The following LRRC69 variants were observed in gnomAD, a reference collection of about 807,000 sequenced individuals.
LRRC69 encodes leucine rich repeat containing 69, also known as leucine-rich repeat-containing protein 69.
LRRC69 carries 42 observed loss-of-function variants against 37.8 expected under a neutral mutation model. The ratio of observed to expected loss-of-function variants is 1.11; its 90% confidence interval spans 0.87 to 1.44. The LOEUF (loss-of-function observed/expected upper bound fraction) is 1.44. Among genes scored for constraint, LRRC69 ranks in the 40% most tolerant of loss-of-function variants. The pLI is 0.00. For missense variants in LRRC69, 357 were observed against 401.9 expected, an observed-to-expected ratio of 0.89 and a Z score of 0.96; for synonymous variants, 141 against 143.1, an observed-to-expected ratio of 0.99 and a Z score of 0.11.
intron 5 of LRRC69, among the ~76,000 whole-genome samples, chr8:91,167,782 C>T (rs1809055338): frequency 6.6e-6 from 1 of 151,858 alleles, no homozygotes; most frequent in African/African-American, 2.4e-5. Flanking sequence ...AGTCAGCACA[C>T]CAGTGATAGT....
At chr8:91,211,582 C>T (rs1378701082) in intron 7 of LRRC69, among the ~76,000 whole-genome samples, 1 of 144,632 alleles carries the variant, frequency 6.9e-6, no homozygotes, top group Non-Finnish European at 1.5e-5. Context: ...GTTAAGTAGA[C>T]AGCAATTATA....
chr8:91,190,881 C>A lies in LRRC69; in HGVS notation c.753+1258C>A, dbSNP rs188654398. Among the ~76,000 whole-genome samples, 468 of 152,032 alleles carry A rather than the reference C, an allele frequency of 3.1e-3. 3 individuals are homozygous for A. The highest frequency in any genetic ancestry group is 6.2e-3 in the Admixed American group (94 of 15,262). On this transcript the variant is annotated intron_variant, in intron 6 of 7. Coordinates refer to ENST00000448384, the Ensembl canonical transcript of LRRC69. ...ACCAGCCTGGCCAACAGAGTGAGACCCCATCTCTACAAAATTTTAAAAACC... is the reference window on the plus strand; with the variant it reads ...ACCAGCCTGGCCAACAGAGTGAGACACCATCTCTACAAAATTTTAAAAACC...
chr8:91,109,277 C>T (rs1381658310), intron 1 of LRRC69, among the ~76,000 whole-genome samples: 1 of 152,064 alleles, frequency 6.6e-6, no homozygotes, highest in African/African-American at 2.4e-5. Context: ...AAAGACACAG[C>T]CCTCTTCTTT....
At chr8:91,112,728 A>C (rs1406122675) in intron 1 of LRRC69, among the ~76,000 whole-genome samples, 2 of 152,048 alleles carry the variant, frequency 1.3e-5, no homozygotes, top group Non-Finnish European at 2.9e-5. Flanking sequence ...TGGAAGTCCT[A>C]GTCAACAATT....
chr8:91,111,472 T>A (rs894640669), intron 1 of LRRC69, among the ~76,000 whole-genome samples: 1 of 151,950 alleles, frequency 6.6e-6, no homozygotes, highest in African/African-American at 2.4e-5. Context: ...GGGTGGAGGT[T>A]GTAGTGAGCT....
intron 6 of LRRC69, among the ~76,000 whole-genome samples, chr8:91,196,479 C>A (rs1332094185): frequency 1.3e-5 from 2 of 152,104 alleles, no homozygotes; most frequent in African/African-American, 4.8e-5. Flanking sequence ...CTTTCAGGTA[C>A]ACCAAGCAGA....
Position 91,217,175 on chromosome 8 carries a change from G to C in LRRC69, c.934-1715G>C, listed in dbSNP as rs145591297. Among the ~76,000 whole-genome samples, 47 of 152,198 alleles carry C rather than the reference G, an allele frequency of 3.1e-4. No homozygotes were observed. The South Asian group carries it at 8.9e-3, about 29-fold the overall frequency. ...TTCTTAGAGGCAGGGATTGTTTGCT[G>C]TATATCTTTGTAGCCTGACACTTTG... is the stretch of plus-strand genomic sequence containing the variant. On this transcript the variant is annotated intron_variant, in intron 7 of 7. Coordinates refer to ENST00000448384, the Ensembl canonical transcript of LRRC69.
chr8:91,163,270 C>T (rs1472298491), intron 5 of LRRC69, among the ~76,000 whole-genome samples: 1 of 151,260 alleles, frequency 6.6e-6, no homozygotes, highest in East Asian at 1.9e-4. Context: ...TTTTTATGTA[C>T]CCACCCTCCA....
At chr8:91,150,392 G>T (rs1355612546) in intron 5 of LRRC69, among the ~76,000 whole-genome samples, 1 of 151,968 alleles carries the variant, frequency 6.6e-6, no homozygotes, top group Non-Finnish European at 1.5e-5. Context: ...TACGTTTATT[G>T]ATTTGCGTAT....
chr8:91,203,696 G>A (rs1010144080), intron 7 of LRRC69, among the ~76,000 whole-genome samples: 1 of 151,800 alleles, frequency 6.6e-6, no homozygotes, highest in African/African-American at 2.4e-5. Flanking sequence ...ACTGCGCCCA[G>A]CCTCAGTGTA....
At chr8:91,127,012 G>C (rs1317134354) in intron 2 of LRRC69, 76 bp from the exon 3 acceptor site, 3 of 1,113,000 alleles carry the variant, frequency 2.7e-6, no homozygotes, top group Non-Finnish European at 4.0e-6. Flanking sequence ...GGAAAACAAA[G>C]GTATGTAGAA....
intron 5 of LRRC69, chr8:91,157,464 G>T: frequency 1.2e-6 from 2 of 1,603,556 alleles, no homozygotes; most frequent in Non-Finnish European, 8.5e-7. Flanking sequence ...AAATATGCAA[G>T]AAAGGAAGTT....
chr8:91,116,534 G>GTA (rs1357936285), intron 1 of LRRC69, among the ~76,000 whole-genome samples: 5 of 108,940 alleles, frequency 4.6e-5, no homozygotes, highest in Non-Finnish European at 9.5e-5. Context: ...ATATGTGTCT[G>GTA]TATACATATA....
chr8:91,171,654 A>T (rs1293647701), intron 5 of LRRC69, among the ~76,000 whole-genome samples: 1 of 152,038 alleles, frequency 6.6e-6, no homozygotes, highest in Non-Finnish European at 1.5e-5. Context: ...CTTTTGAGCA[A>T]GTATAGGAGG....
At position 91,127,169 on chromosome 8, in the gene LRRC69, G is replaced by A; in HGVS notation, c.383+9G>A. The A allele has an allele frequency of 6.5e-7, 1 of 1,545,820 alleles. No homozygotes were observed. ...CCTCAAGAAGTCAGCAGGTAATTTT[G>A]TTTATAGCAAGACTTGGTTAACAAT... On this transcript the variant is annotated intron_variant, in intron 3 of 7. Coordinates refer to ENST00000448384, the Ensembl canonical transcript of LRRC69.
At chr8:91,219,048 C>T (rs1747042850), downstream of LRRC69, 1 of 1,011,134 alleles carries the variant, frequency 9.9e-7, no homozygotes. Flanking sequence ...GCCCTGTCAG[C>T]TCTGCATACA....
At chr8:91,140,585 C>T (rs868179682) in intron 5 of LRRC69, among the ~76,000 whole-genome samples, 8 of 147,708 alleles carry the variant, frequency 5.4e-5, no homozygotes, top group African/African-American at 2.0e-4. Context: ...TTGTCATTTT[C>T]ATTTAACATT....
intron 1 of LRRC69, among the ~76,000 whole-genome samples, chr8:91,123,019 T>A (rs1314148721): frequency 6.6e-6 from 1 of 152,024 alleles, no homozygotes; most frequent in Admixed American, 6.6e-5. Flanking sequence ...ATTAGTGTGA[T>A]ATGATTTGAA....
At chr8:91,114,443 A>ATG (rs768028794) in intron 1 of LRRC69, among the ~76,000 whole-genome samples, 5 of 66,966 alleles carry the variant, frequency 7.5e-5, no homozygotes, top group African/African-American at 1.8e-4. Flanking sequence ...ATGTTTGTGT[A>ATG]TGTGTGTGTG....
Sources: allele counts gnomAD v4.1 joint callset (sites outside exome capture counted in the v4.1 genomes callset), GRCh38; gene constraint gnomAD v4.1.1; transcripts MANE v1.5; gene names NCBI Gene and HGNC (gene_info 2026-07-23, HGNC 2026-07-21).